The following WDR41 variants were observed in gnomAD, a reference collection of about 807,000 sequenced individuals.
WDR41 encodes the protein WD repeat domain 41.
A neutral mutation model predicts 69.3 loss-of-function variants in WDR41; 63 were observed. The ratio of observed to expected loss-of-function variants is 0.91; its 90% CI spans 0.74 to 1.12. The LOEUF (loss-of-function observed/expected upper bound fraction) is 1.12. Ranked by LOEUF, WDR41 falls within the 50% of genes most tolerant of loss-of-function variation. The pLI is 0.00. For missense variants in WDR41, 543 were observed against 534.5 expected, an observed-to-expected ratio of 1.02 and a Z score of -0.16; for synonymous variants, 185 against 192.1, an observed-to-expected ratio of 0.96 and a Z score of 0.31.
chr5:77,500,691 G>A (rs1802004813), intron 1 of WDR41, among the ~76,000 whole-genome samples: 1 of 152,112 alleles, frequency 6.6e-6, no homozygotes, highest in South Asian at 2.1e-4. Flanking sequence ...AGTTTAAAAT[G>A]TTCTTAAAAA....
intron 1 of WDR41, among the ~76,000 whole-genome samples, chr5:77,513,924 A>T (rs1802248543): frequency 6.6e-6 from 1 of 152,030 alleles, no homozygotes; most frequent in Non-Finnish European, 1.5e-5. Context: ...TTTCTTAGGC[A>T]ATGACTGCAT....
At chr5:77,552,234 C>A (rs1303049624) in intron 1 of WDR41, among the ~76,000 whole-genome samples, 1 of 151,386 alleles carries the variant, frequency 6.6e-6, no homozygotes, top group East Asian at 1.9e-4. Flanking sequence ...ACATAAAAAT[C>A]AATTATAGTA....
intron 1 of WDR41, among the ~76,000 whole-genome samples, chr5:77,563,994 C>T (rs533396851): frequency 6.6e-6 from 1 of 152,228 alleles, no homozygotes; most frequent in South Asian, 2.1e-4. Flanking sequence ...CATTATATAT[C>T]TTTGGGTGAG....
chr5:77,574,558 A>G (rs1743794656), intron 1 of WDR41, among the ~76,000 whole-genome samples: 2 of 152,086 alleles, frequency 1.3e-5, no homozygotes, highest in Non-Finnish European at 2.9e-5. Context: ...ACTCAATGTT[A>G]TTTCTCATAT....
At chr5:77,521,023 G>C (rs1433032638) in intron 1 of WDR41, among the ~76,000 whole-genome samples, 2 of 152,148 alleles carry the variant, frequency 1.3e-5, no homozygotes, top group Non-Finnish European at 2.9e-5. Context: ...TATGCCAGGA[G>C]ACTGGCAACC....
At chr5:77,567,432 A>C (rs184913962) in intron 1 of WDR41, among the ~76,000 whole-genome samples, 10 of 152,156 alleles carry the variant, frequency 6.6e-5, no homozygotes, top group Admixed American at 6.5e-4. Context: ...CTGCCTGTAC[A>C]TTTGCAAGAA....
chr5:77,499,106 C>T (rs1008599186), intron 1 of WDR41, among the ~76,000 whole-genome samples: 3 of 152,132 alleles, frequency 2.0e-5, no homozygotes, highest in South Asian at 2.1e-4. Flanking sequence ...GATAAATACA[C>T]GTCACTCTTT....
At chr5:77,470,811 T>G (rs1800559269) in intron 2 of WDR41, among the ~76,000 whole-genome samples, 1 of 152,032 alleles carries the variant, frequency 6.6e-6, no homozygotes, top group South Asian at 2.1e-4. Flanking sequence ...AGACTTAGAC[T>G]CCCACACAAT....
intron 1 of WDR41, chr5:77,491,804 T>G (rs1005472760): frequency 3.8e-6 from 1 of 259,874 alleles, no homozygotes; most frequent in Non-Finnish European, 7.3e-6. Flanking sequence ...TCTAGCTAAA[T>G]CGTATACTTT....
At chr5:77,567,663 T>TA (rs60723638) in intron 1 of WDR41, among the ~76,000 whole-genome samples, 15,158 of 106,286 alleles carry the variant, frequency 0.14, 967 homozygotes, top group South Asian at 0.26. Flanking sequence ...AACCAAATAG[T>TA]AAAAAAAAAA....
At chr5:77,471,329 G>T (rs967211280) in intron 2 of WDR41, among the ~76,000 whole-genome samples, 1 of 152,146 alleles carries the variant, frequency 6.6e-6, no homozygotes, top group Middle Eastern at 3.2e-3. Context: ...AAGCAGGAAA[G>T]ATCTAAAATT....
intron 6 of WDR41, among the ~76,000 whole-genome samples, chr5:77,453,378 A>C (rs1478430573): frequency 6.6e-6 from 1 of 152,230 alleles, no homozygotes; most frequent in African/African-American, 2.4e-5. Context: ...TGTTGAAACC[A>C]AAATCGTATG....
At chr5:77,609,125 C>T (rs183038868) in intron 1 of WDR41, among the ~76,000 whole-genome samples, 1,819 of 152,318 alleles carry the variant, frequency 0.012, 33 homozygotes, top group African/African-American at 0.042. Flanking sequence ...ATTGCCCAGG[C>T]TTGCTTAGGT....
intron 1 of WDR41, chr5:77,491,339 C>G (rs1801775899): frequency 5.7e-6 from 1 of 174,420 alleles, no homozygotes; most frequent in Non-Finnish European, 1.3e-5. Context: ...CCACCCCTAT[C>G]TCCCTTCGCT....
chr5:77,480,388 G>A (rs1037164445), intron 2 of WDR41, among the ~76,000 whole-genome samples: 25 of 151,952 alleles, frequency 1.6e-4, no homozygotes, highest in African/African-American at 4.4e-4. Flanking sequence ...TGTTTATTGC[G>A]GCACTATTCA....
At chr5:77,454,216 T>C (rs1443988991) in intron 5 of WDR41, among the ~76,000 whole-genome samples, 1 of 152,160 alleles carries the variant, frequency 6.6e-6, no homozygotes, top group Non-Finnish European at 1.5e-5. Flanking sequence ...AGCAGTCACA[T>C]GGAGAAAGGT....
At chr5:77,505,640 T>C (rs2112162494) in intron 1 of WDR41, among the ~76,000 whole-genome samples, 1 of 152,268 alleles carries the variant, frequency 6.6e-6, no homozygotes, top group South Asian at 2.1e-4. Flanking sequence ...CAAACTATGC[T>C]ACAAGGCTAC....
intron 12 of WDR41, among the ~76,000 whole-genome samples, chr5:77,434,705 AAAAAG>A (rs1458599194): frequency 2.6e-5 from 4 of 152,272 alleles, no homozygotes; most frequent in Admixed American, 6.5e-5. Context: ...TCAAAGAAAA[AAAAAG>A]AAATGAGGAA....
chr5:77,503,190 C>CAAAAAAAAAAAAAAAAAAA (rs144057313), intron 1 of WDR41, among the ~76,000 whole-genome samples: 2 of 74,314 alleles, frequency 2.7e-5, no homozygotes, highest in African/African-American at 5.1e-5. Context: ...AAATGGAAAG[C>CAAAAAAAAAAAAAAAAAAA]AAAAAAAAAA....
Sources: gnomAD v4.1 joint callset for allele counts (sites outside exome capture counted in the v4.1 genomes callset) on GRCh38, gnomAD v4.1.1 for gene constraint, MANE v1.5 for transcripts, NCBI Gene and HGNC (gene_info 2026-07-23, HGNC 2026-07-21) for gene names.